MAGI2: variants seen among roughly 807,000 people sequenced by gnomAD.
MAGI2 encodes membrane associated guanylate kinase, WW and PDZ domain containing 2.
MAGI2 carries 35 observed loss-of-function variants against 133.3 expected under a neutral mutation model. The ratio of observed to expected loss-of-function variants is 0.26; its 90% CI spans 0.20 to 0.35. MAGI2 has a LOEUF of 0.35. Ranked by LOEUF, MAGI2 falls within the 10% of genes least tolerant of loss-of-function variation. The pLI is 1.00. For missense variants in MAGI2, 1,636 were observed against 1,863.4 expected (o/e 0.88, Z 2.25); for synonymous variants, 729 against 710.6 (o/e 1.03, Z -0.41).
chr7:79,211,727 TA>T (rs918104283), intron 1 of MAGI2, among the ~76,000 whole-genome samples: 2 of 151,924 alleles, frequency 1.3e-5, no homozygotes, highest in Admixed American at 1.3e-4. Flanking sequence ...ACAACAACAA[TA>T]AAAAAAGATA....
At chr7:79,401,536 T>G (rs568509446) in intron 1 of MAGI2, among the ~76,000 whole-genome samples, 1 of 152,206 alleles carries the variant, frequency 6.6e-6, no homozygotes, top group Non-Finnish European at 1.5e-5. Context: ...AAAAGGCACA[T>G]GCCCTCAGTC....
intron 1 of MAGI2, among the ~76,000 whole-genome samples, chr7:79,222,772 A>G (rs548821896): frequency 2.0e-5 from 3 of 152,174 alleles, no homozygotes; most frequent in African/African-American, 7.2e-5. Context: ...TTTCATTATT[A>G]ATTTTGATGA....
chr7:78,432,623 G>A (rs1799908662), intron 6 of MAGI2, among the ~76,000 whole-genome samples: 1 of 151,834 alleles, frequency 6.6e-6, no homozygotes, highest in African/African-American at 2.4e-5. Flanking sequence ...AATCACCTCT[G>A]GTACAACTAC....
At chr7:79,316,338 A>G (rs1838720237) in intron 1 of MAGI2, among the ~76,000 whole-genome samples, 1 of 152,202 alleles carries the variant, frequency 6.6e-6, no homozygotes, top group African/African-American at 2.4e-5. Context: ...TAGAATAGGA[A>G]TAACAACACC....
At chr7:78,988,094 C>T (rs553418519) in intron 2 of MAGI2, among the ~76,000 whole-genome samples, 1 of 152,104 alleles carries the variant, frequency 6.6e-6, no homozygotes, top group African/African-American at 2.4e-5. Context: ...GCCAGGACAG[C>T]CTCCATATTT....
chr7:78,757,745 C>T (rs1563463094), intron 2 of MAGI2, among the ~76,000 whole-genome samples: 1 of 152,086 alleles, frequency 6.6e-6, no homozygotes, highest in African/African-American at 2.4e-5. Context: ...TTTGCATATT[C>T]CTTCTTATCT....
At chr7:78,773,764 C>T (rs181553835) in intron 2 of MAGI2, among the ~76,000 whole-genome samples, 39 of 152,244 alleles carry the variant, frequency 2.6e-4, no homozygotes, top group African/African-American at 9.1e-4. Context: ...ACAAAGAACA[C>T]GAACAAACCT....
intron 1 of MAGI2, among the ~76,000 whole-genome samples, chr7:79,241,652 A>G (rs1832427500): frequency 1.3e-5 from 2 of 152,204 alleles, no homozygotes; most frequent in South Asian, 4.1e-4. Flanking sequence ...GACTAATGAA[A>G]AATGACAAGA....
At chr7:78,132,087 C>G (rs1465446447) in intron 18 of MAGI2, among the ~76,000 whole-genome samples, 1 of 152,132 alleles carries the variant, frequency 6.6e-6, no homozygotes, top group African/African-American at 2.4e-5. Context: ...GTTGCTCAGG[C>G]TGGTCTTGAA....
At chr7:78,026,079 T>G (rs1808883411) in intron 21 of MAGI2, 1 of 152,652 alleles carries the variant, frequency 6.6e-6, no homozygotes. Context: ...CTTCCTATTG[T>G]CAGTTCTAGC....
intron 20 of MAGI2, among the ~76,000 whole-genome samples, chr7:78,113,167 TGGGGATAGAACAC>T (rs1332280633): frequency 1.1e-4 from 14 of 123,048 alleles, no homozygotes; most frequent in Non-Finnish European, 2.3e-4. Context: ...GGAGGGGGAC[TGGGGATAGAACAC>T]GCAGGGCCTG....
At chr7:78,670,379 T>C (rs1458565119) in intron 2 of MAGI2, among the ~76,000 whole-genome samples, 1 of 152,140 alleles carries the variant, frequency 6.6e-6, no homozygotes, top group Non-Finnish European at 1.5e-5. Flanking sequence ...GTGAAGGACC[T>C]CTTCAAGGAG....
intron 2 of MAGI2, among the ~76,000 whole-genome samples, chr7:78,973,066 G>C (rs998843208): frequency 1.3e-5 from 2 of 151,656 alleles, no homozygotes; most frequent in African/African-American, 4.8e-5. Flanking sequence ...GGTCACTGTT[G>C]CTCTTTATAA....
intron 9 of MAGI2, among the ~76,000 whole-genome samples, chr7:78,308,781 T>C (rs1798451131): frequency 6.6e-6 from 1 of 152,182 alleles, no homozygotes; most frequent in African/African-American, 2.4e-5. Context: ...GGAAACTGCT[T>C]CAGGTTTTCA....
At chr7:78,225,960 G>C (rs145580317) in intron 10 of MAGI2, among the ~76,000 whole-genome samples, 1 of 152,178 alleles carries the variant, frequency 6.6e-6, no homozygotes, top group African/African-American at 2.4e-5. Context: ...AAGACAGGGA[G>C]TGCTTCTCAA....
At chr7:79,084,891 T>C (rs1816350123) in intron 1 of MAGI2, among the ~76,000 whole-genome samples, 1 of 151,840 alleles carries the variant, frequency 6.6e-6, no homozygotes, top group African/African-American at 2.4e-5. Context: ...AAACATTTCT[T>C]CTCATTACCT....
intron 1 of MAGI2, among the ~76,000 whole-genome samples, chr7:79,203,960 C>T (rs1562991890): frequency 6.6e-6 from 1 of 151,928 alleles, no homozygotes; most frequent in Non-Finnish European, 1.5e-5. Flanking sequence ...AACCAGATCA[C>T]AGTATTTGGT....
At chr7:78,704,487 G>A (rs576841977) in intron 2 of MAGI2, among the ~76,000 whole-genome samples, 27 of 152,200 alleles carry the variant, frequency 1.8e-4, no homozygotes, top group African/African-American at 5.1e-4. Context: ...AATAGTTCAA[G>A]CATTGTGGAA....
intron 1 of MAGI2, among the ~76,000 whole-genome samples, chr7:79,168,935 A>ATATATAT (rs1554393067): frequency 2.5e-5 from 3 of 117,874 alleles, no homozygotes; most frequent in African/African-American, 3.6e-5. Flanking sequence ...TATATATATA[A>ATATATAT]ATTTTTTTTC....
Sources: gnomAD v4.1 joint callset for allele counts (sites outside exome capture counted in the v4.1 genomes callset) on GRCh38, gnomAD v4.1.1 for gene constraint, MANE v1.5 for transcripts, NCBI Gene and HGNC (gene_info 2026-07-23, HGNC 2026-07-21) for gene names.